MECOM: variants seen among roughly 807,000 people sequenced by gnomAD.
MECOM encodes MDS1 and EVI1 complex locus.
Under a neutral mutation model 116.3 loss-of-function variants are expected in MECOM, and 13 were observed. The observed-to-expected ratio is 0.11, with a 90% CI of 0.07 to 0.18. The LOEUF (loss-of-function observed/expected upper bound fraction) is 0.18, where lower values mean the gene tolerates loss of function less well. Ranked by LOEUF, MECOM falls within the 10% of genes least tolerant of loss-of-function variation. MECOM has a pLI of 1.00. For synonymous variants in MECOM, 528 were observed against 535.2 expected (o/e 0.99, Z 0.19); for missense variants, 1,299 against 1,509.0 (o/e 0.86, Z 2.31).
rs992215393 is a variant in MECOM, at chr3:169,553,193, T to C, written c.37+110143A>G. 8.6e-5 allele frequency among the ~76,000 whole-genome samples: 13 copies of C among 152,006 alleles called. 1 individual carries two copies. The highest frequency in any genetic ancestry group is 3.1e-4 in the African/African-American group (13 of 41,376). ...TCATTCAATCCTCAACAAATAAATA[T>C]CAAAATCCTCCTATGTGCCAGGCAT... On this transcript the variant is annotated intron_variant, in intron 1 of 16. Transcript: ENST00000651503.
At chr3:169,394,856 G>T (rs1734779604) in intron 1 of MECOM, among the ~76,000 whole-genome samples, 1 of 152,042 alleles carries the variant, frequency 6.6e-6, no homozygotes. Context: ...TAACCCTCCT[G>T]GATCTCGACA....
chr3:169,084,370 G>T lies in MECOM; in HGVS notation c.*539C>A. The T allele has an allele frequency of 4.3e-6, 1 of 231,350 alleles. No homozygotes were observed. Among genetic ancestry groups the T allele is most frequent in the Non-Finnish European group, 8.5e-6 (1 of 117,014 alleles). 14.3% of individuals were successfully genotyped at this position (231,350 alleles called of 1,614,324 possible). On this transcript the variant is annotated 3_prime_UTR_variant, in exon 17 of 17. Transcript: ENST00000651503. ...GCAAAAGGGGGAACAAGTACTCCCT[G>T]TTATCAGTTTCTATAATAATTGACT...
chr3:169,507,722 C>T (rs1363518528), intron 1 of MECOM, among the ~76,000 whole-genome samples: 12 of 126,648 alleles, frequency 9.5e-5, no homozygotes, highest in African/African-American at 3.4e-4. Context: ...AGTGCAGTGG[C>T]GCGATCTCGG....
At chr3:169,223,110 T>C in intron 2 of MECOM, among the ~76,000 whole-genome samples, 1 of 128,506 alleles carries the variant, frequency 7.8e-6, no homozygotes, top group South Asian at 2.6e-4. Flanking sequence ...TACTGGCAAA[T>C]TTCATTTTCA....
chr3:169,410,400 C>T (rs1482367369), intron 1 of MECOM, among the ~76,000 whole-genome samples: 1 of 152,160 alleles, frequency 6.6e-6, no homozygotes, highest in Admixed American at 6.5e-5. Context: ...TCTTTTGGAA[C>T]CTCATTGACA....
chr3:169,315,605 A>G (rs906051550), intron 2 of MECOM, among the ~76,000 whole-genome samples: 1 of 152,188 alleles, frequency 6.6e-6, no homozygotes, highest in African/African-American at 2.4e-5. Flanking sequence ...TAACAAGAAT[A>G]ATAAATTCAT....
chr3:169,116,807 C>A (rs1302226223), intron 7 of MECOM, 68 bp from the exon 8 acceptor site: 1 of 1,501,290 alleles, frequency 6.7e-7, no homozygotes, highest in Non-Finnish European at 8.8e-7. Context: ...GCAAATATCA[C>A]AATTGGTTTA....
At chr3:169,304,146 T>G (rs76132551) in intron 2 of MECOM, among the ~76,000 whole-genome samples, 1 of 152,346 alleles carries the variant, frequency 6.6e-6, no homozygotes, top group Admixed American at 6.5e-5. Context: ...ATTATCAGTA[T>G]AGTTTTGGGC....
At chr3:169,305,184 T>C (rs1717439220) in intron 2 of MECOM, among the ~76,000 whole-genome samples, 1 of 152,212 alleles carries the variant, frequency 6.6e-6, no homozygotes, top group Non-Finnish European at 1.5e-5. Context: ...TTGTGGTAGT[T>C]ACAGTACACT....
intron 10 of MECOM, among the ~76,000 whole-genome samples, chr3:169,104,360 G>C (rs1724629112): frequency 6.6e-6 from 1 of 152,146 alleles, no homozygotes. Context: ...TCTTGTATTT[G>C]CATTTATTCC....
At chr3:169,264,728 C>T (rs1332654452) in intron 2 of MECOM, among the ~76,000 whole-genome samples, 1 of 152,200 alleles carries the variant, frequency 6.6e-6, no homozygotes, top group African/African-American at 2.4e-5. Context: ...TCCAAATTAC[C>T]ACATACTATA....
intron 12 of MECOM, among the ~76,000 whole-genome samples, chr3:169,100,461 A>T (rs890487593): frequency 6.6e-6 from 1 of 150,730 alleles, no homozygotes; most frequent in Non-Finnish European, 1.5e-5. Context: ...GTGCTGGGGG[A>T]AAAAAAGTAC....
intron 1 of MECOM, among the ~76,000 whole-genome samples, chr3:169,640,703 C>T (rs952148791): frequency 1.6e-4 from 24 of 152,042 alleles, no homozygotes; most frequent in African/African-American, 5.3e-4. Context: ...GGTCTCATCT[C>T]CGTGTTATAG....
intron 5 of MECOM, among the ~76,000 whole-genome samples, chr3:169,127,147 A>G (rs1219175737): frequency 6.6e-6 from 1 of 152,152 alleles, no homozygotes; most frequent in Middle Eastern, 3.2e-3. Context: ...CAATTAGTAT[A>G]TACTTTTCAA....
intron 8 of MECOM, among the ~76,000 whole-genome samples, chr3:169,113,895 A>C (rs1156885378): frequency 2.6e-5 from 4 of 152,084 alleles, no homozygotes; most frequent in Non-Finnish European, 5.9e-5. Context: ...CAAGTCTGAC[A>C]CTAAAACTGG....
chr3:169,478,902 C>G (rs1003158223), intron 1 of MECOM, among the ~76,000 whole-genome samples: 1 of 152,156 alleles, frequency 6.6e-6, no homozygotes, highest in Non-Finnish European at 1.5e-5. Context: ...ATGTGGAACA[C>G]AGTAGGACTC....
Position 169,387,149 on chromosome 3 carries a change from C to T in MECOM, c.38-5625G>A, listed in dbSNP as rs114503715. On this transcript the variant is annotated intron_variant, in intron 1 of 16. Transcript: ENST00000651503. ...GATTTTTACATTTTTCTTACAAAGTCCTTACCTACAGAAGGGAAAAAAAGA... is the reference window on the plus strand; with the variant it reads ...GATTTTTACATTTTTCTTACAAAGTTCTTACCTACAGAAGGGAAAAAAAGA... 8.7e-3 allele frequency among the ~76,000 whole-genome samples: 1,327 copies of T among 152,082 alleles called. 12 individuals are homozygous for T. The highest frequency in any genetic ancestry group is 0.013 in the Non-Finnish European group (850 of 67,988).
chr3:169,135,321 A>AAT (rs2149236943), intron 3 of MECOM, among the ~76,000 whole-genome samples: 1 of 152,200 alleles, frequency 6.6e-6, no homozygotes, highest in East Asian at 1.9e-4. Context: ...TTTTGTAATG[A>AAT]ATATACCCCC....
At position 169,146,606 on chromosome 3, in the gene MECOM, G is replaced by T. The variant is rs1005102190; in HGVS notation, c.376-2774C>A. On this transcript the variant is annotated intron_variant, in intron 2 of 16. Transcript: ENST00000651503. ...CGCGAGACTGCGGGCGAGGAGGAAA[G>T]AAGGCTGGGGGCGGGGGGCGCCCGT... The T allele has an allele frequency of 1.2e-5, 16 of 1,371,188 alleles. No individual in the cohort carries two copies. The Admixed American group carries it at 1.3e-4, about 11-fold the overall frequency. The allele number at this position is 1,371,188 out of a possible 1,614,324, so 84.9% of individuals were successfully genotyped here.
Sources: allele counts gnomAD v4.1 joint callset (sites outside exome capture counted in the v4.1 genomes callset), GRCh38; gene constraint gnomAD v4.1.1; transcripts MANE v1.5; gene names NCBI Gene and HGNC (gene_info 2026-07-23, HGNC 2026-07-21).